LRP1B: variants seen among roughly 807,000 people sequenced by gnomAD.
LRP1B encodes the protein low-density lipoprotein receptor-related protein 1B.
In LRP1B, 217 loss-of-function variants were observed where a neutral mutation model predicts 556.6. That is an observed-to-expected ratio of 0.39 (90% CI 0.35 to 0.44). The LOEUF (loss-of-function observed/expected upper bound fraction) is 0.44, where lower values mean the gene tolerates loss of function less well. Ranked by LOEUF, LRP1B falls within the 20% of genes least tolerant of loss-of-function variation. The pLI is 1.00. For missense variants in LRP1B, 5,053 were observed against 5,620.8 expected (o/e 0.90, Z 3.23); for synonymous variants, 2,047 against 1,865.8 (o/e 1.10, Z -2.50).
chr2:141,294,458 C>T (rs1474236039), intron 3 of LRP1B, among the ~76,000 whole-genome samples: 1 of 152,028 alleles, frequency 6.6e-6, no homozygotes, highest in East Asian at 1.9e-4. Context: ...TGCTGTGGCT[C>T]ATGCCTGTAA....
Position 140,986,112 on chromosome 2 carries a change from GT to G in LRP1B, c.2770+3419del, listed in dbSNP as rs547494636. On this transcript the variant is annotated intron_variant, in intron 17 of 90. Coordinates refer to ENST00000389484, the MANE Select transcript of LRP1B (RefSeq NM_018557.3). Reference sequence around the variant, plus strand: ...ACTGTTTATTTTCTTCAATTTAGTGGTTTTTTTTTCCTTGGATGAGAGTATC... The same window carrying G: ...ACTGTTTATTTTCTTCAATTTAGTGGTTTTTTTTCCTTGGATGAGAGTATC... 1.4e-3 allele frequency among the ~76,000 whole-genome samples: 103 copies of G among 74,028 alleles called. No individual in the cohort carries two copies. The South Asian group carries it at 0.065, about 47-fold the overall frequency. The allele number at this position is 74,028 out of a possible 152,430, so 48.6% of individuals were successfully genotyped here. A position where few individuals can be genotyped will look rare whatever the true frequency, so the allele number is the denominator to read the frequency against.
rs546217048 is a variant in LRP1B at position 140,839,586 on chromosome 2, T to C, written c.5209+405A>G. 2.3e-4 allele frequency among the ~76,000 whole-genome samples: 35 copies of C among 152,302 alleles called. No individual in the cohort carries two copies. The East Asian group carries it at 6.6e-3, about 29-fold the overall frequency. On this transcript the variant is annotated intron_variant, in intron 31 of 90. Coordinates refer to ENST00000389484, the MANE Select transcript of LRP1B (RefSeq NM_018557.3). ...TTCAAGTTCTTCAGCTTTTAGACTC[T>C]TGGACTTAACCAGTGATTTGCAAGG... is the stretch of plus-strand genomic sequence containing the variant.
chr2:140,387,519 A>G (rs1258362051), intron 66 of LRP1B, among the ~76,000 whole-genome samples: 1 of 152,212 alleles, frequency 6.6e-6, no homozygotes, highest in Non-Finnish European at 1.5e-5. Context: ...ATTTATATCC[A>G]GCTCCAGCAA....
chr2:140,853,651 G>A (rs1166108387), intron 27 of LRP1B, among the ~76,000 whole-genome samples: 1 of 150,940 alleles, frequency 6.6e-6, no homozygotes, highest in East Asian at 1.9e-4. Context: ...ACATCAAGAT[G>A]ATAAAAGTAA....
intron 15 of LRP1B, among the ~76,000 whole-genome samples, chr2:140,996,945 C>T (rs1335999234): frequency 1.3e-5 from 2 of 151,888 alleles, no homozygotes; most frequent in African/African-American, 4.8e-5. Context: ...TGTTTGAGCA[C>T]AGCCAAAAAT....
intron 44 of LRP1B, 26 bp downstream of exon 44, chr2:140,541,753 C>T (rs776976432): frequency 2.6e-6 from 4 of 1,547,720 alleles, no homozygotes; most frequent in Non-Finnish European, 3.5e-6. Flanking sequence ...AATGAAAAAA[C>T]ACATTTGCTT....
intron 2 of LRP1B, among the ~76,000 whole-genome samples, chr2:141,784,985 A>G (rs188051407): frequency 1.1e-4 from 16 of 152,050 alleles, no homozygotes; most frequent in African/African-American, 3.6e-4. Context: ...ACCCCTTAAG[A>G]GATCAAATAG....
chr2:140,541,526 G>T (rs1250251312), intron 44 of LRP1B, among the ~76,000 whole-genome samples: 1 of 152,022 alleles, frequency 6.6e-6, no homozygotes, highest in Non-Finnish European at 1.5e-5. Context: ...AAAATGAACT[G>T]CTCCTGTGAT....
chr2:140,843,054 T>G (rs1559151465), intron 29 of LRP1B, among the ~76,000 whole-genome samples: 1 of 132,026 alleles, frequency 7.6e-6, no homozygotes, highest in African/African-American at 2.9e-5. Context: ...TTCTCCAAAG[T>G]GGTTTTTTTT....
intron 1 of LRP1B, among the ~76,000 whole-genome samples, chr2:142,038,350 C>T (rs1559037051): frequency 6.6e-6 from 1 of 151,526 alleles, no homozygotes; most frequent in African/African-American, 2.4e-5. Flanking sequence ...AAAGATGCAA[C>T]AAGAAACTTT....
chr2:141,081,985 G>A (rs1699934706), intron 7 of LRP1B, among the ~76,000 whole-genome samples: 1 of 152,108 alleles, frequency 6.6e-6, no homozygotes, highest in Admixed American at 6.5e-5. Context: ...TTTTTATAAA[G>A]ATTTTAATGA....
intron 1 of LRP1B, among the ~76,000 whole-genome samples, chr2:141,966,147 T>C (rs1273819009): frequency 6.6e-6 from 1 of 151,768 alleles, no homozygotes; most frequent in Non-Finnish European, 1.5e-5. Context: ...CATTTCACTA[T>C]TTTATTCAGT....
intron 2 of LRP1B, among the ~76,000 whole-genome samples, chr2:141,647,517 C>T (rs541120314): frequency 5.3e-5 from 8 of 152,116 alleles, no homozygotes; most frequent in Non-Finnish European, 7.4e-5. Context: ...GCTTGATTAT[C>T]GTGGTTGAGA....
At chr2:141,865,562 A>C (rs1698383662) in intron 1 of LRP1B, among the ~76,000 whole-genome samples, 1 of 142,998 alleles carries the variant, frequency 7.0e-6, no homozygotes, top group Admixed American at 7.0e-5. Flanking sequence ...ACTGCACTCC[A>C]GCCTGGGCGA....
At chr2:140,786,673 G>A (rs1248065345) in intron 32 of LRP1B, among the ~76,000 whole-genome samples, 3 of 152,090 alleles carry the variant, frequency 2.0e-5, no homozygotes, top group African/African-American at 7.2e-5. Context: ...GAAGAACAAA[G>A]CCCAGAATTT....
chr2:140,692,408 C>T (rs1387654846), intron 41 of LRP1B, among the ~76,000 whole-genome samples: 2 of 151,938 alleles, frequency 1.3e-5, no homozygotes, highest in Non-Finnish European at 2.9e-5. Flanking sequence ...AGTATATGAA[C>T]CATTTCAAAA....
At position 141,845,645 on chromosome 2, in the gene LRP1B, G is replaced by A. The variant is rs561834284; in HGVS notation, c.83-35244C>T. 5.3e-5 allele frequency among the ~76,000 whole-genome samples: 8 copies of A among 151,966 alleles called. No homozygotes were observed. In the South Asian group the frequency reaches 1.5e-3, roughly 28 times the overall value. On this transcript the variant is annotated intron_variant, in intron 1 of 90. Coordinates refer to ENST00000389484, the MANE Select transcript of LRP1B (RefSeq NM_018557.3). ...TGACTCTAGTCTTTTGTACCTCTCT[G>A]AGGGTAGACATTTCTAGCCAAAGCT...
At chr2:141,915,018 CA>C (rs1026926769) in intron 1 of LRP1B, among the ~76,000 whole-genome samples, 30 of 151,834 alleles carry the variant, frequency 2.0e-4, no homozygotes, top group Non-Finnish European at 2.9e-5. Flanking sequence ...TCATATGGGA[CA>C]AAAAAAGAGA....
At chr2:141,258,836 A>T (rs1684580461) in intron 3 of LRP1B, among the ~76,000 whole-genome samples, 1 of 152,026 alleles carries the variant, frequency 6.6e-6, no homozygotes, top group African/African-American at 2.4e-5. Context: ...TTTGGCTTCC[A>T]CCACGATTGT....
Sources: gnomAD v4.1 joint callset for allele counts (sites outside exome capture counted in the v4.1 genomes callset) on GRCh38, gnomAD v4.1.1 for gene constraint, MANE v1.5 for transcripts, NCBI Gene and HGNC (gene_info 2026-07-23, HGNC 2026-07-21) for gene names.